The following PFDN2 variants were observed in gnomAD, a reference collection of about 807,000 sequenced individuals.
The protein encoded by PFDN2 is prefoldin subunit 2.
In PFDN2, 7 loss-of-function variants were observed where a neutral mutation model predicts 18.3. That is an observed-to-expected ratio of 0.38 (90% CI 0.22 to 0.72). The LOEUF (loss-of-function observed/expected upper bound fraction) is 0.72, where lower values mean the gene tolerates loss of function less well. Among genes scored for constraint, PFDN2 ranks in the 30% least tolerant of loss-of-function variants. The pLI is 0.47. For missense variants in PFDN2, 181 were observed against 199.1 expected, an observed-to-expected ratio of 0.91 and a Z score of 0.55; for synonymous variants, 76 against 75.0, an observed-to-expected ratio of 1.01 and a Z score of -0.07.
chr1:161,110,323 T>C (rs998100629), intron 1 of PFDN2, among the ~76,000 whole-genome samples: 1 of 152,086 alleles, frequency 6.6e-6, no homozygotes, highest in African/African-American at 2.4e-5. Context: ...ACCACACCAC[T>C]GCACTCCAGC....
chr1:161,103,283 G>C (rs1654608992), intron 1 of PFDN2, among the ~76,000 whole-genome samples: 1 of 152,034 alleles, frequency 6.6e-6, no homozygotes, highest in Non-Finnish European at 1.5e-5. Flanking sequence ...CCTATTCCTA[G>C]ATTCCCTAAA....
At chr1:161,112,754 A>G (rs1654835036) in intron 1 of PFDN2, among the ~76,000 whole-genome samples, 1 of 151,978 alleles carries the variant, frequency 6.6e-6, no homozygotes, top group East Asian at 1.9e-4. Flanking sequence ...CTATTTTTAG[A>G]CTCCCCAAAC....
At chr1:161,105,811 T>G (rs1654666385) in intron 1 of PFDN2, among the ~76,000 whole-genome samples, 1 of 152,182 alleles carries the variant, frequency 6.6e-6, no homozygotes, top group African/African-American at 2.4e-5. Flanking sequence ...AATAACTAAT[T>G]TCCTCTTGTT....
At chr1:161,103,554 T>C (rs1654615476) in intron 1 of PFDN2, among the ~76,000 whole-genome samples, 1 of 151,500 alleles carries the variant, frequency 6.6e-6, no homozygotes, top group Non-Finnish European at 1.5e-5. Context: ...CCGGGCATGG[T>C]GGCATGTGCC....
At chr1:161,115,343 C>T (rs1184381658) in intron 1 of PFDN2, among the ~76,000 whole-genome samples, 1 of 152,216 alleles carries the variant, frequency 6.6e-6, no homozygotes, top group Non-Finnish European at 1.5e-5. Context: ...GGATTACAGG[C>T]GTGAGCCACG....
At chr1:161,105,600 T>C (rs971258641) in intron 1 of PFDN2, among the ~76,000 whole-genome samples, 4 of 152,022 alleles carry the variant, frequency 2.6e-5, no homozygotes, top group Non-Finnish European at 5.9e-5. Flanking sequence ...TGGGACTACA[T>C]GTGCATACCA....
chr1:161,117,873 G>T, intron 1 of PFDN2, 79 bp downstream of exon 1: 1 of 1,296,388 alleles, frequency 7.7e-7, no homozygotes, highest in Non-Finnish European at 1.1e-6. Context: ...GTAAAGGCCT[G>T]CACAAGCCAC....
chr1:161,110,080 A>G (rs1654774605), intron 1 of PFDN2, among the ~76,000 whole-genome samples: 1 of 146,234 alleles, frequency 6.8e-6, no homozygotes, highest in African/African-American at 2.6e-5. Flanking sequence ...ATAGTGTGGG[A>G]TGGGCGCAGT....
rs1168177698 is a variant in PFDN2, at chr1:161,102,033, A to G, written c.288+15T>C. On this transcript the variant is annotated intron_variant, in intron 3 of 3. Coordinates refer to ENST00000368010, the MANE Select transcript of PFDN2 (RefSeq NM_012394.4). ...CAGCCACTGTACCCGATCCTATTCA[A>G]TGATTCTTGCTCACCTGCTCCTTGT... is the stretch of plus-strand genomic sequence containing the variant. The G allele has an allele frequency of 1.9e-6, 3 of 1,614,066 alleles. No homozygotes were observed. Among genetic ancestry groups the G allele is most frequent in the East Asian group, 2.2e-5 (1 of 44,886 alleles).
chr1:161,105,639 G>A (rs757025237), intron 1 of PFDN2, among the ~76,000 whole-genome samples: 1 of 151,796 alleles, frequency 6.6e-6, no homozygotes, highest in South Asian at 2.1e-4. Context: ...TATAATTTTA[G>A]TAGAGATGGG....
intron 1 of PFDN2, among the ~76,000 whole-genome samples, chr1:161,105,453 T>C (rs966949928): frequency 1.4e-4 from 22 of 151,876 alleles, no homozygotes; most frequent in African/African-American, 5.1e-4. Flanking sequence ...GAATCTACTT[T>C]TCTTTTCTTT....
At chr1:161,117,062 G>C (rs1010143679) in intron 1 of PFDN2, among the ~76,000 whole-genome samples, 1 of 151,264 alleles carries the variant, frequency 6.6e-6, no homozygotes, top group Non-Finnish European at 1.5e-5. Context: ...GTGAAACCCC[G>C]TCTCTACTAA....
At chr1:161,109,595 A>T (rs1328655114) in intron 1 of PFDN2, among the ~76,000 whole-genome samples, 4 of 152,174 alleles carry the variant, frequency 2.6e-5, no homozygotes, top group Non-Finnish European at 5.9e-5. Flanking sequence ...ACTGTGCTAG[A>T]CTATCTCATT....
chr1:161,115,013 C>G (rs1654878632), intron 1 of PFDN2, among the ~76,000 whole-genome samples: 1 of 152,190 alleles, frequency 6.6e-6, no homozygotes, highest in Non-Finnish European at 1.5e-5. Flanking sequence ...CCAGAGTTAT[C>G]CAATGTCTGA....
chr1:161,103,276 A>G (rs1654608866), intron 1 of PFDN2, among the ~76,000 whole-genome samples: 1 of 152,012 alleles, frequency 6.6e-6, no homozygotes, highest in Non-Finnish European at 1.5e-5. Flanking sequence ...TTCCATTCCT[A>G]TTCCTAGATT....
intron 1 of PFDN2, 44 bp downstream of exon 1, chr1:161,117,908 C>A: frequency 6.5e-7 from 1 of 1,531,880 alleles, no homozygotes; most frequent in Non-Finnish European, 8.9e-7. Context: ...CGCTAGTATT[C>A]CAGACCCAGG....
At chr1:161,101,239 G>A (rs1019280409) in intron 3 of PFDN2, among the ~76,000 whole-genome samples, 6 of 149,918 alleles carry the variant, frequency 4.0e-5, no homozygotes, top group African/African-American at 1.5e-4. Flanking sequence ...TCGCTGTGTC[G>A]CCCAGGCTGG....
At chr1:161,105,440 C>T (rs4402147) in intron 1 of PFDN2, among the ~76,000 whole-genome samples, 54,893 of 151,806 alleles carry the variant, frequency 0.36, 10,131 homozygotes, top group East Asian at 0.43. Flanking sequence ...TAGTAATTAA[C>T]AGGAATCTAC....
chr1:161,110,740 A>C (rs1327684183), intron 1 of PFDN2, among the ~76,000 whole-genome samples: 2 of 150,922 alleles, frequency 1.3e-5, no homozygotes, highest in Admixed American at 6.6e-5. Flanking sequence ...TGAAGAACAT[A>C]CTCAACTCTC....
Sources: gnomAD v4.1 joint callset for allele counts (sites outside exome capture counted in the v4.1 genomes callset) on GRCh38, gnomAD v4.1.1 for gene constraint, MANE v1.5 for transcripts, NCBI Gene and HGNC (gene_info 2026-07-23, HGNC 2026-07-21) for gene names.